CCDC7: variants seen among roughly 807,000 people sequenced by gnomAD.
The protein encoded by CCDC7 is coiled-coil domain-containing protein 7.
A neutral mutation model predicts 196.9 loss-of-function variants in CCDC7; 183 were observed. That is an observed-to-expected ratio of 0.93 (90% confidence interval 0.82 to 1.05). The LOEUF is 1.05. Ranked by LOEUF, CCDC7 falls within the 50% of genes least tolerant of loss-of-function variation. The pLI is 0.00. For missense variants in CCDC7, 1,540 were observed against 1,482.2 expected (o/e 1.04, Z -0.64); for synonymous variants, 525 against 484.6 (o/e 1.08, Z -1.10).
chr10:32,621,037 T>C (rs1473355668), intron 18 of CCDC7, among the ~76,000 whole-genome samples: 2 of 152,186 alleles, frequency 1.3e-5, no homozygotes, highest in Non-Finnish European at 2.9e-5. Flanking sequence ...TATTAAGAAA[T>C]AATGTGTTTT....
intron 24 of CCDC7, among the ~76,000 whole-genome samples, chr10:32,702,443 T>G (rs2078919884): frequency 6.6e-6 from 1 of 152,214 alleles, no homozygotes; most frequent in Non-Finnish European, 1.5e-5. Context: ...CTTCCAACTA[T>G]GTGGTCAATT....
chr10:32,678,679 G>T (rs2075394759), intron 21 of CCDC7, among the ~76,000 whole-genome samples: 1 of 152,186 alleles, frequency 6.6e-6, no homozygotes, highest in Admixed American at 6.6e-5. Context: ...ACCATAACAG[G>T]CTGGGAAAAG....
At chr10:32,843,252 A>G (rs2093085441) in intron 33 of CCDC7, among the ~76,000 whole-genome samples, 1 of 129,374 alleles carries the variant, frequency 7.7e-6, no homozygotes, top group Non-Finnish European at 1.9e-5. Context: ...TAAAAGGCAC[A>G]GTATTATATA....
intron 18 of CCDC7, among the ~76,000 whole-genome samples, chr10:32,585,118 G>T (rs11008982): frequency 0.088 from 13,353 of 151,218 alleles, 869 homozygotes; most frequent in East Asian, 0.33. Flanking sequence ...CTGTCGCCCA[G>T]GCTGTAGTGC....
chr10:32,552,742 C>T (rs1008129224), intron 13 of CCDC7, among the ~76,000 whole-genome samples: 2 of 152,116 alleles, frequency 1.3e-5, no homozygotes, highest in Non-Finnish European at 1.5e-5. Flanking sequence ...GGCTGAAGAT[C>T]GGGCCCCAAT....
intron 18 of CCDC7, among the ~76,000 whole-genome samples, chr10:32,601,174 G>T (rs2060959517): frequency 6.6e-6 from 1 of 152,174 alleles, no homozygotes; most frequent in Non-Finnish European, 1.5e-5. Flanking sequence ...TGAGGTTCAA[G>T]TGATTCTCCT....
intron 41 of CCDC7, among the ~76,000 whole-genome samples, chr10:32,864,424 GA>G (rs1329601637): frequency 6.6e-6 from 1 of 151,296 alleles, no homozygotes; most frequent in Non-Finnish European, 1.5e-5. Flanking sequence ...AACAAGACCT[GA>G]AAAAAGTATT....
intron 29 of CCDC7, among the ~76,000 whole-genome samples, chr10:32,797,137 G>C (rs1056718388): frequency 1.1e-4 from 17 of 151,640 alleles, no homozygotes; most frequent in South Asian, 2.1e-4. Flanking sequence ...ATCAATCAAC[G>C]AGTGGATAAA....
intron 28 of CCDC7, among the ~76,000 whole-genome samples, chr10:32,737,123 A>AT (rs2084992693): frequency 6.6e-6 from 1 of 152,024 alleles, no homozygotes; most frequent in South Asian, 2.1e-4. Flanking sequence ...TGATCATATA[A>AT]TTTTTTCTTT....
At chr10:32,674,777 A>G (rs1035762524) in intron 21 of CCDC7, among the ~76,000 whole-genome samples, 31 of 152,004 alleles carry the variant, frequency 2.0e-4, no homozygotes, top group African/African-American at 6.8e-4. Flanking sequence ...ATACATATAT[A>G]TATTTTTGAG....
intron 32 of CCDC7, among the ~76,000 whole-genome samples, chr10:32,825,973 C>T (rs2135725952): frequency 6.6e-6 from 1 of 152,282 alleles, no homozygotes; most frequent in African/African-American, 2.4e-5. Flanking sequence ...GAAGAAACAG[C>T]TTCCCCATCC....
At chr10:32,691,522 C>T (rs2077078392) in intron 23 of CCDC7, among the ~76,000 whole-genome samples, 1 of 152,126 alleles carries the variant, frequency 6.6e-6, no homozygotes, top group Non-Finnish European at 1.5e-5. Flanking sequence ...CAGTTAAGAT[C>T]TGAATTGTGC....
chr10:32,687,460 G>A (rs1234872658), intron 22 of CCDC7, among the ~76,000 whole-genome samples: 1 of 152,158 alleles, frequency 6.6e-6, no homozygotes, highest in East Asian at 1.9e-4. Context: ...TTCAGTAGAG[G>A]GAGTCATAAA....
chr10:32,702,806 A>G (rs1311251893), intron 24 of CCDC7, among the ~76,000 whole-genome samples: 1 of 152,088 alleles, frequency 6.6e-6, no homozygotes, highest in African/African-American at 2.4e-5. Context: ...CATTGGTTTA[A>G]AATCTGTTTT....
chr10:32,465,602 A>G (rs1232495214), intron 5 of CCDC7, among the ~76,000 whole-genome samples: 2 of 152,072 alleles, frequency 1.3e-5, no homozygotes, highest in African/African-American at 2.4e-5. Context: ...CCAACCAGTA[A>G]ATGTTGGAGT....
intron 28 of CCDC7, among the ~76,000 whole-genome samples, chr10:32,732,682 T>C (rs2084183204): frequency 1.3e-5 from 2 of 152,118 alleles, no homozygotes; most frequent in South Asian, 4.1e-4. Context: ...AAATAGACTG[T>C]ATTTTTAGAG....
At chr10:32,830,256 A>T (rs2092021028) in intron 32 of CCDC7, among the ~76,000 whole-genome samples, 1 of 149,240 alleles carries the variant, frequency 6.7e-6, no homozygotes, top group Non-Finnish European at 1.5e-5. Flanking sequence ...TAAAATAGAA[A>T]ATAGTCCACC....
chr10:32,594,404 C>G (rs555704342), intron 18 of CCDC7, among the ~76,000 whole-genome samples: 7 of 152,254 alleles, frequency 4.6e-5, no homozygotes, highest in African/African-American at 1.4e-4. Context: ...GATTTTGTAT[C>G]CTGAGACTTT....
chr10:32,623,880 C>T (rs942764346), intron 18 of CCDC7: 1 of 432,410 alleles, frequency 2.3e-6, no homozygotes, highest in Non-Finnish European at 4.8e-6. Flanking sequence ...CAGATTTCGC[C>T]TGAACTGAGT....
Sources: gnomAD v4.1 joint callset for allele counts (sites outside exome capture counted in the v4.1 genomes callset) on GRCh38, gnomAD v4.1.1 for gene constraint, MANE v1.5 for transcripts, NCBI Gene and HGNC (gene_info 2026-07-23, HGNC 2026-07-21) for gene names.